PLCH1: variants seen among roughly 807,000 people sequenced by gnomAD.
PLCH1 encodes the protein 1-phosphatidylinositol 4,5-bisphosphate phosphodiesterase eta-1.
Under a neutral mutation model 126.7 loss-of-function variants are expected in PLCH1, and 60 were observed. The ratio of observed to expected loss-of-function variants is 0.47; its 90% CI spans 0.38 to 0.59. The LOEUF (loss-of-function observed/expected upper bound fraction) is 0.59, where lower values mean the gene tolerates loss of function less well. Ranked by LOEUF, PLCH1 falls within the 20% of genes least tolerant of loss-of-function variation. The probability of loss-of-function intolerance (pLI) is 0.00; values close to 1 mark genes in which losing one functional copy is unlikely to be tolerated. For missense variants in PLCH1, 1,723 were observed against 2,040.0 expected, an observed-to-expected ratio of 0.84 and a Z score of 2.99; for synonymous variants, 719 against 734.9, an observed-to-expected ratio of 0.98 and a Z score of 0.35.
At chr3:155,685,224 G>A (rs1744843551) in intron 2 of PLCH1, among the ~76,000 whole-genome samples, 1 of 152,224 alleles carries the variant, frequency 6.6e-6, no homozygotes, top group South Asian at 2.1e-4. Context: ...CTGGGAACAT[G>A]AAGAAAACCA....
At chr3:155,608,297 A>G (rs1304508997) in intron 2 of PLCH1, among the ~76,000 whole-genome samples, 1 of 152,186 alleles carries the variant, frequency 6.6e-6, no homozygotes, top group Non-Finnish European at 1.5e-5. Context: ...AATAATTTCG[A>G]CTGAGCATGA....
intron 1 of PLCH1, among the ~76,000 whole-genome samples, chr3:155,714,382 C>T (rs949488072): frequency 1.3e-5 from 2 of 152,278 alleles, no homozygotes. Flanking sequence ...AGAGGGCTCC[C>T]ATGTCACCCG....
chr3:155,729,036 A>G lies in PLCH1; in HGVS notation c.-41+15804T>C, dbSNP rs138462738. 2.5e-3 allele frequency among the ~76,000 whole-genome samples: 375 copies of G among 152,332 alleles called. 2 individuals are homozygous for G. Among genetic ancestry groups the G allele is most frequent in the African/African-American group, 8.3e-3 (347 of 41,572 alleles). ...CTTGGCTTATGCTAATTGTCTCTAA[A>G]CCAGTGATTTCCACACTTTTTAAAT... On this transcript the variant is annotated intron_variant, in intron 1 of 22. Transcript: ENST00000460012.
At chr3:155,577,657 T>C (rs548313777) in intron 6 of PLCH1, among the ~76,000 whole-genome samples, 7 of 152,344 alleles carry the variant, frequency 4.6e-5, no homozygotes, top group Non-Finnish European at 1.0e-4. Flanking sequence ...AAAATTAAAC[T>C]ATATACAGTT....
chr3:155,502,738 G>A (rs529652161), intron 13 of PLCH1, among the ~76,000 whole-genome samples: 1 of 152,160 alleles, frequency 6.6e-6, no homozygotes, highest in East Asian at 1.9e-4. Flanking sequence ...TTCATTTAAT[G>A]TTTCACAGGT....
intron 14 of PLCH1, among the ~76,000 whole-genome samples, chr3:155,498,000 C>T (rs1425347703): frequency 1.3e-5 from 2 of 152,222 alleles, no homozygotes; most frequent in Non-Finnish European, 2.9e-5. Context: ...CAGACGCAAG[C>T]CACAGCACCT....
At chr3:155,606,295 C>G (rs185933979) in intron 2 of PLCH1, among the ~76,000 whole-genome samples, 4 of 152,268 alleles carry the variant, frequency 2.6e-5, no homozygotes, top group Admixed American at 2.6e-4. Flanking sequence ...TTAGGAAAAA[C>G]AGAGGAGGAG....
intron 14 of PLCH1, among the ~76,000 whole-genome samples, chr3:155,498,904 CA>C (rs1388581272): frequency 6.6e-6 from 1 of 152,266 alleles, no homozygotes; most frequent in East Asian, 1.9e-4. Flanking sequence ...TCCCCTCACA[CA>C]CACACTTTTT....
At chr3:155,635,008 T>C (rs1230816813) in intron 2 of PLCH1, among the ~76,000 whole-genome samples, 1 of 152,176 alleles carries the variant, frequency 6.6e-6, no homozygotes, top group Non-Finnish European at 1.5e-5. Context: ...CCTTCATCTG[T>C]AACTGGGCAT....
At chr3:155,611,761 T>C (rs1366146327) in intron 2 of PLCH1, among the ~76,000 whole-genome samples, 3 of 152,194 alleles carry the variant, frequency 2.0e-5, no homozygotes, top group South Asian at 2.1e-4. Flanking sequence ...GATTATATGA[T>C]AGGTCATGAA....
At position 155,458,486 on chromosome 3, in the gene PLCH1, G is replaced by GA. The variant is rs1560027376; in HGVS notation, c.2938+26869dup. Among the ~76,000 whole-genome samples the GA allele has an allele frequency of 1.0e-4, 10 of 97,960 alleles. 1 individual carries two copies. The highest frequency in any genetic ancestry group is 9.6e-4 in the African/African-American group (10 of 10,410). 64.3% of individuals were successfully genotyped at this position (97,960 alleles called of 152,430 possible). ...AGAAAGAAAGAAAGAAAGAAAGAAA[G>GA]AAAGAAAGAAAGAGAAAGAAGAGAG... On this transcript the variant is annotated intron_variant, in intron 21 of 21. Transcript: ENST00000494598.
chr3:155,500,567 T>C (rs890655254), intron 14 of PLCH1, 136 bp downstream of exon 14: 24 of 623,922 alleles, frequency 3.8e-5, no homozygotes, highest in Non-Finnish European at 6.6e-5. Context: ...TATCCAGCTG[T>C]TCTTCACATG....
intron 2 of PLCH1, among the ~76,000 whole-genome samples, chr3:155,606,913 G>GC (rs749152225): frequency 1.2e-4 from 18 of 152,258 alleles, no homozygotes; most frequent in Middle Eastern, 3.4e-3. Context: ...TGCTTATTAT[G>GC]CCCTAGAAAC....
intron 1 of PLCH1, chr3:155,743,243 T>G (rs1346972506): frequency 2.2e-6 from 1 of 454,138 alleles, no homozygotes; most frequent in East Asian, 7.0e-5. Flanking sequence ...TGAAAATGAT[T>G]CTCATCTGCT....
chr3:155,458,980 A>G (rs752553397), intron 21 of PLCH1, among the ~76,000 whole-genome samples: 3 of 152,098 alleles, frequency 2.0e-5, no homozygotes, highest in Non-Finnish European at 2.9e-5. Context: ...TCTGCTGTCT[A>G]CTCCAAGAAA....
Position 155,528,332 on chromosome 3 carries a change from T to G in PLCH1, c.1363-4328A>C, listed in dbSNP as rs140545009. On this transcript the variant is annotated intron_variant, in intron 10 of 22. Coordinates refer to ENST00000460012, the MANE Select transcript of PLCH1 (RefSeq NM_014996.4). ...TTTCTGTATATTATTTTAGGTCCTA[T>G]TGATATAGAAAGCTCCTAAAAATCA... 2.2e-4 allele frequency among the ~76,000 whole-genome samples: 34 copies of G among 152,306 alleles called. No individual in the cohort carries two copies. The East Asian group carries it at 6.6e-3, about 29-fold the overall frequency.
At chr3:155,706,108 A>G (rs1395786572) in intron 1 of PLCH1, among the ~76,000 whole-genome samples, 2 of 138,564 alleles carry the variant, frequency 1.4e-5, no homozygotes, top group Admixed American at 1.6e-4. Context: ...CAGGAGGCAG[A>G]GGTTGCAGTG....
intron 8 of PLCH1, 30 bp from the exon 9 acceptor site, chr3:155,554,226 C>T: frequency 6.2e-7 from 1 of 1,604,348 alleles, no homozygotes; most frequent in Non-Finnish European, 8.5e-7. Flanking sequence ...ATATCAACAA[C>T]CCAAAGTCTC....
chr3:155,453,067 T>C (rs186877667), intron 21 of PLCH1, among the ~76,000 whole-genome samples: 2 of 152,288 alleles, frequency 1.3e-5, no homozygotes, highest in East Asian at 3.9e-4. Context: ...TGATGAAGCT[T>C]ATTTTCCAAT....
Sources: allele counts gnomAD v4.1 joint callset (sites outside exome capture counted in the v4.1 genomes callset), GRCh38; gene constraint gnomAD v4.1.1; transcripts MANE v1.5; gene names NCBI Gene and HGNC (gene_info 2026-07-23, HGNC 2026-07-21).